Variants in ATP8A2 observed in about 807,000 individuals in gnomAD.
The protein encoded by ATP8A2 is phospholipid-transporting ATPase IB.
Under a neutral mutation model 165.6 loss-of-function variants are expected in ATP8A2, and 100 were observed. The observed-to-expected ratio is 0.60, with a 90% CI of 0.51 to 0.71. The LOEUF is 0.71. Ranked by LOEUF, ATP8A2 falls within the 30% of genes least tolerant of loss-of-function variation. The pLI, the probability that ATP8A2 is intolerant of heterozygous loss-of-function variation, is 0.00. For synonymous variants in ATP8A2, 543 were observed against 548.8 expected (o/e 0.99, Z 0.15); for missense variants, 1,227 against 1,479.5 (o/e 0.83, Z 2.80).
At chr13:25,741,579 G>T (rs967987105) in intron 25 of ATP8A2, among the ~76,000 whole-genome samples, 1 of 151,414 alleles carries the variant, frequency 6.6e-6, no homozygotes, top group Admixed American at 6.6e-5. Context: ...GTAGAGGCAG[G>T]GTCTCACTGT....
chr13:25,693,687 CTGTTT>C (rs2042776875), intron 24 of ATP8A2, among the ~76,000 whole-genome samples: 1 of 139,756 alleles, frequency 7.2e-6, no homozygotes, highest in African/African-American at 2.6e-5. Flanking sequence ...CTCTCTCTCT[CTGTTT>C]TATTTATTTT....
chr13:25,942,139 G>C (rs1955088425), intron 33 of ATP8A2, among the ~76,000 whole-genome samples: 1 of 151,914 alleles, frequency 6.6e-6, no homozygotes. Context: ...TATAATTGTA[G>C]CACATTCCTT....
chr13:25,657,576 C>T (rs767764685), intron 24 of ATP8A2, among the ~76,000 whole-genome samples: 12 of 152,222 alleles, frequency 7.9e-5, no homozygotes, highest in Admixed American at 1.3e-4. Context: ...GAAATCTGTA[C>T]TGCATAGCCC....
intron 25 of ATP8A2, among the ~76,000 whole-genome samples, chr13:25,735,480 C>T (rs2043747239): frequency 6.6e-6 from 1 of 151,754 alleles, no homozygotes; most frequent in African/African-American, 2.4e-5. Context: ...AGACTGGTCT[C>T]GAACTCATGG....
intron 33 of ATP8A2, among the ~76,000 whole-genome samples, chr13:25,886,396 G>C (rs1002967812): frequency 6.6e-6 from 1 of 152,190 alleles, no homozygotes; most frequent in Non-Finnish European, 1.5e-5. Context: ...GACTGTGTGA[G>C]TTTTGTGTTT....
In ATP8A2 at chr13:25,503,569, A is replaced by G. The variant is rs56272082; in HGVS notation, c.222-26430A>G. Among the ~76,000 whole-genome samples the G allele has an allele frequency of 8.5e-5, 13 of 152,312 alleles. 1 individual carries two copies. In the South Asian group the frequency reaches 2.5e-3, roughly 29 times the overall value. ...GCACATGGGGCCAGGACAAGACCTC[A>G]TGTGCTCAGTAGAAAGAAATAACTC... On this transcript the variant is annotated intron_variant, in intron 2 of 36. Transcript: ENST00000381655.
intron 35 of ATP8A2, among the ~76,000 whole-genome samples, chr13:25,992,687 T>G (rs1036699089): frequency 4.1e-4 from 62 of 150,314 alleles, no homozygotes; most frequent in Admixed American, 4.0e-4. Flanking sequence ...GTTTTTTTTT[T>G]GTTTGTTTTT....
At chr13:25,549,581 C>A (rs1040554572) in intron 10 of ATP8A2, among the ~76,000 whole-genome samples, 8 of 151,956 alleles carry the variant, frequency 5.3e-5, no homozygotes, top group Admixed American at 5.2e-4. Context: ...AATTATTTCA[C>A]CCCCAGGAAT....
At chr13:25,550,654 T>C (rs1360956527) in intron 10 of ATP8A2, among the ~76,000 whole-genome samples, 1 of 152,200 alleles carries the variant, frequency 6.6e-6, no homozygotes, top group Non-Finnish European at 1.5e-5. Context: ...GCCATTCTCC[T>C]TCCGTTTCTC....
chr13:25,535,818 A>T (rs1354982744), intron 6 of ATP8A2, among the ~76,000 whole-genome samples: 1 of 152,130 alleles, frequency 6.6e-6, no homozygotes, highest in Non-Finnish European at 1.5e-5. Context: ...CTGTCTCAAA[A>T]ACAGAAAACA....
chr13:26,011,931 T>A (rs1226136223), intron 35 of ATP8A2, among the ~76,000 whole-genome samples: 1 of 142,182 alleles, frequency 7.0e-6, no homozygotes, highest in Non-Finnish European at 1.6e-5. Context: ...AGACCCCATC[T>A]TTTTAAAAAA....
chr13:25,920,863 G>A (rs1370647034), intron 33 of ATP8A2, among the ~76,000 whole-genome samples: 2 of 152,190 alleles, frequency 1.3e-5, no homozygotes, highest in Non-Finnish European at 2.9e-5. Context: ...AATCACTTGA[G>A]CCCAGGAGTT....
chr13:25,575,310 G>A (rs896572645), intron 19 of ATP8A2, among the ~76,000 whole-genome samples: 1 of 152,210 alleles, frequency 6.6e-6, no homozygotes, highest in Non-Finnish European at 1.5e-5. Context: ...CTGGGTCCAC[G>A]TAGGGAAGTT....
intron 25 of ATP8A2, among the ~76,000 whole-genome samples, chr13:25,745,888 A>T (rs1475662456): frequency 6.6e-6 from 1 of 152,206 alleles, no homozygotes; most frequent in Non-Finnish European, 1.5e-5. Flanking sequence ...GTATTTTAGT[A>T]AAAGAGAAAC....
At chr13:25,847,520 C>T (rs1951894277) in intron 30 of ATP8A2, among the ~76,000 whole-genome samples, 1 of 152,118 alleles carries the variant, frequency 6.6e-6, no homozygotes, top group African/African-American at 2.4e-5. Context: ...GTATTTTAGA[C>T]AGTTGGGTTT....
intron 24 of ATP8A2, among the ~76,000 whole-genome samples, chr13:25,635,718 C>T (rs2041351831): frequency 1.3e-5 from 2 of 152,120 alleles, no homozygotes. Flanking sequence ...TTGAAGATTT[C>T]CTCTGTGCAA....
intron 33 of ATP8A2, among the ~76,000 whole-genome samples, chr13:25,877,031 T>A (rs935930619): frequency 4.7e-5 from 7 of 147,510 alleles, no homozygotes; most frequent in South Asian, 4.3e-4. Context: ...TATTTTTATT[T>A]AAAAAAAAAA....
chr13:26,002,677 T>C (rs1318375644), intron 35 of ATP8A2, among the ~76,000 whole-genome samples: 2 of 152,100 alleles, frequency 1.3e-5, no homozygotes, highest in African/African-American at 2.4e-5. Flanking sequence ...GTAACCATCA[T>C]TGTACTTTCT....
chr13:25,923,292 C>A (rs998871175), intron 33 of ATP8A2, among the ~76,000 whole-genome samples: 36 of 152,186 alleles, frequency 2.4e-4, no homozygotes, highest in African/African-American at 5.5e-4. Flanking sequence ...TTATTAAAGT[C>A]TTTTATTTCA....
Sources: allele counts gnomAD v4.1 joint callset (sites outside exome capture counted in the v4.1 genomes callset), GRCh38; gene constraint gnomAD v4.1.1; transcripts MANE v1.5; gene names NCBI Gene and HGNC (gene_info 2026-07-23, HGNC 2026-07-21).